The following PRP4K variants were observed in gnomAD, a reference collection of about 807,000 sequenced individuals.
The protein encoded by PRP4K is serine/threonine-protein kinase PRP4 homolog.
chr6:4,058,928 T>C, the PRP4K span: 4 of 776,590 alleles, frequency 5.2e-6, no homozygotes, highest in South Asian at 6.1e-5. Flanking sequence ...TATTTCCTTT[T>C]TGCTGTCGAC....
At chr6:4,050,993 T>C in the PRP4K span, among the ~76,000 whole-genome samples, 1 of 152,104 alleles carries the variant, frequency 6.6e-6, no homozygotes, top group African/African-American at 2.4e-5. Context: ...CACTGTAACC[T>C]CTGCCTCCTG....
At chr6:4,025,038 C>G in the PRP4K span, among the ~76,000 whole-genome samples, 7,973 of 152,236 alleles carry the variant, frequency 0.052, 706 homozygotes, top group African/African-American at 0.18. Context: ...GTCTGCACTT[C>G]TCATTCACCT....
chr6:4,044,151 T>C, the PRP4K span: 1 of 747,504 alleles, frequency 1.3e-6, no homozygotes, highest in East Asian at 2.7e-5. Context: ...TGCTGAATAT[T>C]GCAGTAATAT....
At chr6:4,039,279 A>G in the PRP4K span, among the ~76,000 whole-genome samples, 5 of 152,216 alleles carry the variant, frequency 3.3e-5, no homozygotes, top group African/African-American at 9.6e-5. Context: ...GAGTAATTAG[A>G]TATTTTTGGA....
chr6:4,042,523 A>G, the PRP4K span: 5 of 1,610,782 alleles, frequency 3.1e-6, no homozygotes, highest in African/African-American at 6.7e-5. Flanking sequence ...AAGATGAAGA[A>G]GCCCTAATAG....
At chr6:4,029,575 A>G in the PRP4K span, among the ~76,000 whole-genome samples, 69 of 150,896 alleles carry the variant, frequency 4.6e-4, no homozygotes, top group Non-Finnish European at 8.9e-4. Flanking sequence ...CTTGTCTCGA[A>G]CTCCTGGGTT....
chr6:4,064,444 A>G, the PRP4K span: 1 of 152,624 alleles, frequency 6.6e-6, no homozygotes, highest in Non-Finnish European at 1.5e-5. Context: ...AAACAAAGGA[A>G]TCAACATGAT....
At chr6:4,044,863 A>ATTTTTTTTT in the PRP4K span, among the ~76,000 whole-genome samples, 1 of 132,326 alleles carries the variant, frequency 7.6e-6, no homozygotes, top group Non-Finnish European at 1.6e-5. Flanking sequence ...TATTATTATT[A>ATTTTTTTTT]TTTTTTTTTT....
chr6:4,029,488 T>C, the PRP4K span, among the ~76,000 whole-genome samples: 1 of 151,818 alleles, frequency 6.6e-6, no homozygotes. Context: ...ATTTTTTTTA[T>C]TTTTAGTAAA....
At chr6:4,021,642 C>T in the PRP4K span, among the ~76,000 whole-genome samples, 11 of 152,244 alleles carry the variant, frequency 7.2e-5, no homozygotes, top group South Asian at 1.7e-3. Flanking sequence ...GCTTCCTTCT[C>T]CCAGAGGCCG....
the PRP4K span, among the ~76,000 whole-genome samples, chr6:4,034,833 C>G: frequency 6.8e-6 from 1 of 147,198 alleles, no homozygotes; most frequent in Non-Finnish European, 1.5e-5. Context: ...CTGCCTCAGC[C>G]TCCCAAGTAG....
chr6:4,054,665 C>G, the PRP4K span, among the ~76,000 whole-genome samples: 1 of 152,144 alleles, frequency 6.6e-6, no homozygotes, highest in African/African-American at 2.4e-5. Context: ...GGCCACCACG[C>G]CCAGCTAATT....
the PRP4K span, chr6:4,041,039 TGG>T: frequency 8.7e-7 from 1 of 1,148,806 alleles, no homozygotes; most frequent in Non-Finnish European, 1.2e-6. Context: ...TCCATTAATT[TGG>T]CTCTGAATTT....
At chr6:4,047,948 A>G in the PRP4K span, among the ~76,000 whole-genome samples, 5 of 150,808 alleles carry the variant, frequency 3.3e-5, no homozygotes, top group African/African-American at 1.2e-4. Context: ...ACACACACAG[A>G]GCAATAGGAA....
At chr6:4,032,502 C>A in the PRP4K span, 1 of 1,614,074 alleles carries the variant, frequency 6.2e-7, no homozygotes, top group South Asian at 1.1e-5. Flanking sequence ...AATTAAATCT[C>A]CCTCTAAAGA....
the PRP4K span, chr6:4,032,374 G>T: frequency 6.2e-7 from 1 of 1,613,874 alleles, no homozygotes; most frequent in Non-Finnish European, 8.5e-7. Flanking sequence ...AGTAGAAGTC[G>T]CGATCGAGGT....
chr6:4,057,288 C>T, the PRP4K span: 1 of 1,244,464 alleles, frequency 8.0e-7, no homozygotes, highest in Non-Finnish European at 1.1e-6. Context: ...ACAAAAATTT[C>T]AGAAAGGTGG....
chr6:4,061,570 T>C, the PRP4K span: 1 of 152,682 alleles, frequency 6.5e-6, no homozygotes, highest in Non-Finnish European at 1.5e-5. Context: ...GTATGTCATT[T>C]TGAAAGTGTA....
chr6:4,038,009 G>A, the PRP4K span, among the ~76,000 whole-genome samples: 1 of 151,920 alleles, frequency 6.6e-6, no homozygotes, highest in African/African-American at 2.4e-5. Flanking sequence ...TTTATCTGAA[G>A]CATATGTAGT....
Sources: allele counts gnomAD v4.1 joint callset (sites outside exome capture counted in the v4.1 genomes callset), GRCh38; gene constraint gnomAD v4.1.1; transcripts MANE v1.5; gene names NCBI Gene and HGNC (gene_info 2026-07-23, HGNC 2026-07-21).